KIAA1217: variants seen among roughly 807,000 people sequenced by gnomAD.
The protein encoded by KIAA1217 is KIAA1217.
A neutral mutation model predicts 163.9 loss-of-function variants in KIAA1217; 88 were observed. The observed-to-expected ratio is 0.54, with a 90% confidence interval of 0.45 to 0.64. KIAA1217 has a LOEUF of 0.64. KIAA1217 is among the 30% of genes least tolerant of loss of function. The pLI is 0.00. For synonymous variants in KIAA1217, 903 were observed against 923.1 expected, an observed-to-expected ratio of 0.98 and a Z score of 0.39; for missense variants, 2,372 against 2,475.0, an observed-to-expected ratio of 0.96 and a Z score of 0.88.
At chr10:23,928,905 G>C (rs1843138258) in intron 1 of KIAA1217, among the ~76,000 whole-genome samples, 1 of 152,202 alleles carries the variant, frequency 6.6e-6, no homozygotes, top group Non-Finnish European at 1.5e-5. Flanking sequence ...AGGCCCCTCT[G>C]TCTGAGGAGA....
chr10:24,434,682 G>T (rs922656880), intron 4 of KIAA1217, among the ~76,000 whole-genome samples: 4 of 152,188 alleles, frequency 2.6e-5, no homozygotes, highest in African/African-American at 9.6e-5. Flanking sequence ...ACAGTAGAAA[G>T]AACTCATTTG....
intron 2 of KIAA1217, among the ~76,000 whole-genome samples, chr10:24,301,969 G>A (rs531161577): frequency 2.1e-4 from 32 of 152,148 alleles, no homozygotes; most frequent in East Asian, 1.9e-3. Context: ...CACTTGAACC[G>A]GGGAGGCGGA....
chr10:23,835,401 C>T (rs963748308), intron 1 of KIAA1217, among the ~76,000 whole-genome samples: 17 of 152,142 alleles, frequency 1.1e-4, no homozygotes, highest in African/African-American at 4.1e-4. Context: ...GGGAACCCTC[C>T]TCAATCTTTG....
intron 2 of KIAA1217, among the ~76,000 whole-genome samples, chr10:24,319,645 G>C (rs1184202860): frequency 6.6e-6 from 1 of 152,192 alleles, no homozygotes; most frequent in Non-Finnish European, 1.5e-5. Context: ...GCGCACCCTG[G>C]TGGATAGTGT....
intron 1 of KIAA1217, among the ~76,000 whole-genome samples, chr10:23,951,355 A>G (rs1004448370): frequency 1.3e-5 from 2 of 152,216 alleles, no homozygotes; most frequent in African/African-American, 4.8e-5. Context: ...TCAGAAAAGT[A>G]AAATGATTGG....
chr10:24,386,754 A>AT (rs1359982706), intron 3 of KIAA1217, among the ~76,000 whole-genome samples: 7 of 150,318 alleles, frequency 4.7e-5, no homozygotes, highest in South Asian at 2.1e-4. Context: ...TTCTGTTTTT[A>AT]TTTTTTTTTA....
At chr10:23,767,028 G>T (rs1205482611) in intron 1 of KIAA1217, among the ~76,000 whole-genome samples, 1 of 152,206 alleles carries the variant, frequency 6.6e-6, no homozygotes, top group Non-Finnish European at 1.5e-5. Context: ...TTTTGGATTA[G>T]CTGGGTTATG....
At chr10:23,914,470 G>A (rs1589066208) in intron 1 of KIAA1217, among the ~76,000 whole-genome samples, 1 of 152,124 alleles carries the variant, frequency 6.6e-6, no homozygotes, top group East Asian at 1.9e-4. Flanking sequence ...GCACATCACT[G>A]CACTGGCTAA....
rs1022600142 is a variant in KIAA1217 at position 24,045,589 on chromosome 10, C to T, written c.-171+38215C>T. On this transcript the variant is annotated intron_variant, in intron 2 of 18. Transcript: ENST00000376462. ...ATTTTCTTAATCTTATATTCCAACT[C>T]TTCTGCTATCTAGTTTTGATCATCG... Among the ~76,000 whole-genome samples the T allele has an allele frequency of 3.3e-5, 5 of 152,008 alleles. No individual in the cohort carries two copies. The South Asian group carries it at 6.2e-4, about 19-fold the overall frequency.
chr10:24,203,568 A>T, intron 2 of KIAA1217, among the ~76,000 whole-genome samples: 1 of 48,134 alleles, frequency 2.1e-5, no homozygotes, highest in Admixed American at 2.4e-4. Context: ...CCCAACCCCC[A>T]CCTCCACAGG....
At position 23,747,718 on chromosome 10, in the gene KIAA1217, T is replaced by C. The variant is rs139329445; in HGVS notation, c.-321+52484T>C. Among the ~76,000 whole-genome samples, 3 of 152,242 alleles carry C rather than the reference T, an allele frequency of 2.0e-5. No homozygotes were observed. The East Asian group carries it at 5.8e-4, about 29-fold the overall frequency. On this transcript the variant is annotated intron_variant, in intron 1 of 18. Transcript: ENST00000376462. ...AGATACAGAGAACTAAAGTCAGAAG[T>C]GAGTTCCTTCAGAAGCCCAATCTAG...
chr10:23,697,477 C>G (rs1208174949), intron 1 of KIAA1217, among the ~76,000 whole-genome samples: 1 of 151,974 alleles, frequency 6.6e-6, no homozygotes, highest in Admixed American at 6.6e-5. Flanking sequence ...GTGATAAATT[C>G]CAAGGTGAGT....
rs753565140 is a variant in KIAA1217, at chr10:24,473,323, A to G, written c.942A>G (p.Pro314=). The change falls in exon 6 of 21, where the codon CCA becomes CCG. Residue 314 remains proline (P), a synonymous_variant. Coordinates refer to ENST00000376454, the MANE Select transcript of KIAA1217 (RefSeq NM_019590.5). ...CACCCCATGCGATTCCAAATTCCCC[A>G]CCGTCTACTCCAGTGCCCCATTCCA... ...AHPPHAIPNS[P]PSTPVPHSMP... 1.9e-6 allele frequency: 3 copies of G among 1,566,092 alleles called. No individual in the cohort carries two copies. The highest frequency in any genetic ancestry group is 1.4e-5 in the African/African-American group (1 of 73,516).
chr10:24,004,535 AT>A (rs1039450331), intron 1 of KIAA1217, among the ~76,000 whole-genome samples: 6 of 152,250 alleles, frequency 3.9e-5, no homozygotes, highest in South Asian at 2.1e-4. Flanking sequence ...ATTAGTCTGA[AT>A]TCTCCAGATT....
chr10:23,930,118 T>A (rs1222077856), intron 1 of KIAA1217, among the ~76,000 whole-genome samples: 2 of 152,316 alleles, frequency 1.3e-5, no homozygotes, highest in East Asian at 3.9e-4. Context: ...TGGTTTTAAT[T>A]TGCATTGTTC....
intron 6 of KIAA1217, among the ~76,000 whole-genome samples, chr10:24,475,249 A>G (rs933046504): frequency 2.0e-5 from 3 of 152,186 alleles, no homozygotes; most frequent in East Asian, 1.9e-4. Context: ...AGGTGTCTAG[A>G]TATTCAGTTA....
intron 2 of KIAA1217, among the ~76,000 whole-genome samples, chr10:24,079,906 A>G (rs992917458): frequency 2.0e-5 from 3 of 152,210 alleles, no homozygotes; most frequent in African/African-American, 7.2e-5. Context: ...CTTAAACCAC[A>G]ACATCCTGGC....
chr10:24,489,998 C>T (rs926096009), intron 6 of KIAA1217, among the ~76,000 whole-genome samples: 8 of 151,686 alleles, frequency 5.3e-5, no homozygotes, highest in South Asian at 4.1e-4. Context: ...AATTTTGCTT[C>T]GTCTTCACAG....
intron 1 of KIAA1217, among the ~76,000 whole-genome samples, chr10:23,937,269 A>G (rs1564548173): frequency 6.6e-6 from 1 of 152,176 alleles, no homozygotes; most frequent in Non-Finnish European, 1.5e-5. Flanking sequence ...GAGCGCACCT[A>G]CTATGACTGA....
Sources: gnomAD v4.1 joint callset for allele counts (sites outside exome capture counted in the v4.1 genomes callset) on GRCh38, gnomAD v4.1.1 for gene constraint, MANE v1.5 for transcripts, NCBI Gene and HGNC (gene_info 2026-07-23, HGNC 2026-07-21) for gene names.